The following KCNT1 variants were observed in gnomAD, a reference collection of about 807,000 sequenced individuals.
KCNT1 encodes potassium channel subfamily T member 1.
A neutral mutation model predicts 147.8 loss-of-function variants in KCNT1; 78 were observed. The observed-to-expected ratio is 0.53, with a 90% CI of 0.44 to 0.64. KCNT1 has a LOEUF of 0.64. Ranked by LOEUF, KCNT1 falls within the 30% of genes least tolerant of loss-of-function variation. The probability of loss-of-function intolerance (pLI) is 0.00; values close to 1 mark genes in which losing one functional copy is unlikely to be tolerated. For missense variants in KCNT1, 1,419 were observed against 1,750.3 expected (o/e 0.81, Z 3.38); for synonymous variants, 867 against 748.8 (o/e 1.16, Z -2.58).
chr9:135,751,548 G>A (rs61340584), intron 4 of KCNT1, among the ~76,000 whole-genome samples: 4,100 of 152,288 alleles, frequency 0.027, 174 homozygotes, highest in African/African-American at 0.093. Context: ...AATCTGCACC[G>A]TCAGGTCCTT....
chr9:135,725,826 G>A (rs1022911739), intron 2 of KCNT1, among the ~76,000 whole-genome samples: 5 of 152,218 alleles, frequency 3.3e-5, no homozygotes, highest in Non-Finnish European at 7.3e-5. Context: ...TTGCCTGGGC[G>A]TGTCCTAAGT....
intron 24 of KCNT1, among the ~76,000 whole-genome samples, chr9:135,780,459 G>A (rs930276523): frequency 1.3e-5 from 2 of 152,242 alleles, no homozygotes; most frequent in Non-Finnish European, 2.9e-5. Flanking sequence ...ACCTGAACCC[G>A]ATGGAGAGTG....
In KCNT1 at chr9:135,778,439, C is replaced by T. The variant is rs1251104570; in HGVS notation, c.2538C>T (p.Phe846=). Residue 846 remains phenylalanine, a synonymous_variant, in exon 22 of 31, where the codon TTC becomes TTT. Transcript: ENST00000371757. ...LLLDNKPDHH[F]LEAICCFPMV... ...GTCCCCACAGGCCCGACCACCACTT[C>T]CTGGAAGCCATCTGCTGCTTCCCCA... is the stretch of plus-strand genomic sequence containing the variant. The T allele has an allele frequency of 5.2e-6, 8 of 1,551,654 alleles. No homozygotes were observed. Among genetic ancestry groups the T allele is most frequent in the South Asian group, 2.4e-5 (2 of 84,156 alleles).
At chr9:135,773,697 G>C (rs1179568501) in intron 19 of KCNT1, among the ~76,000 whole-genome samples, 2 of 152,274 alleles carry the variant, frequency 1.3e-5, no homozygotes, top group African/African-American at 4.8e-5. Context: ...GCCTCACTCT[G>C]TCCTGGCCTT....
intron 18 of KCNT1, among the ~76,000 whole-genome samples, chr9:135,772,071 C>T (rs1832797732): frequency 6.6e-6 from 1 of 152,210 alleles, no homozygotes; most frequent in African/African-American, 2.4e-5. Context: ...TTCCCGGCCG[C>T]CGTCTACGGC....
intron 2 of KCNT1, among the ~76,000 whole-genome samples, chr9:135,719,680 T>G (rs1835849916): frequency 6.6e-6 from 1 of 152,174 alleles, no homozygotes; most frequent in South Asian, 2.1e-4. Flanking sequence ...CCCTGCCCAC[T>G]GGCTGGGGCT....
chr9:135,764,153 T>C (rs1832098222), intron 11 of KCNT1, among the ~76,000 whole-genome samples: 1 of 152,132 alleles, frequency 6.6e-6, no homozygotes, highest in African/African-American at 2.4e-5. Flanking sequence ...CCTGCCATTG[T>C]TCATTTAACA....
chr9:135,769,156 G>A (rs1378511803), intron 15 of KCNT1, among the ~76,000 whole-genome samples: 2 of 104,304 alleles, frequency 1.9e-5, no homozygotes, highest in Non-Finnish European at 4.3e-5. Context: ...TGCACACGTG[G>A]GTGACGGTGC....
chr9:135,742,740 G>A (rs560033568), intron 2 of KCNT1: 25 of 717,218 alleles, frequency 3.5e-5, no homozygotes, highest in African/African-American at 1.0e-4. Flanking sequence ...TCTGTCTCCC[G>A]CATTCTGGTT....
Position 135,791,808 on chromosome 9 carries a change from GACC to G in KCNT1, c.3519_3521del (p.His1173del), listed in dbSNP as rs1290067674. The G allele has an allele frequency of 6.2e-7, 1 of 1,613,704 alleles. No individual in the cohort carries two copies. The highest frequency in any genetic ancestry group is 8.5e-7 in the Non-Finnish European group (1 of 1,179,888). On this transcript the variant is annotated inframe_deletion, in exon 30 of 31. Coordinates refer to ENST00000371757, the MANE Select transcript of KCNT1 (RefSeq NM_020822.3). ...TGTGTCCTTTGCAGACGAGATGAAC[GACC>G]ACCAGAACACCCTCTCCTACGTCCT...
intron 2 of KCNT1, among the ~76,000 whole-genome samples, chr9:135,747,348 C>T (rs974969171): frequency 1.4e-5 from 2 of 139,590 alleles, no homozygotes; most frequent in Non-Finnish European, 3.1e-5. Context: ...GGTAGGGAGG[C>T]GGGGAGGGTG....
At chr9:135,751,536 G>A (rs1021232408) in intron 4 of KCNT1, among the ~76,000 whole-genome samples, 8 of 152,216 alleles carry the variant, frequency 5.3e-5, no homozygotes, top group Non-Finnish European at 1.2e-4. Flanking sequence ...GCTGGGGGCA[G>A]CAATCTGCAC....
At chr9:135,790,236 C>T (rs1168774277) in intron 29 of KCNT1, 1 of 152,222 alleles carries the variant, frequency 6.6e-6, no homozygotes, top group Non-Finnish European at 1.5e-5. Flanking sequence ...GAGCTGCCCT[C>T]ACCACCCACT....
intron 29 of KCNT1, chr9:135,788,204 CT>C: frequency 1.3e-6 from 2 of 1,527,034 alleles, no homozygotes; most frequent in Middle Eastern, 3.4e-4. Context: ...CACAACGGGG[CT>C]CGCCAACCCT....
At chr9:135,753,452 C>T (rs1831304378) in intron 4 of KCNT1, among the ~76,000 whole-genome samples, 1 of 152,180 alleles carries the variant, frequency 6.6e-6, no homozygotes, top group South Asian at 2.1e-4. Context: ...AGGGACGTGC[C>T]TCTTGGAGTC....
Position 135,784,902 on chromosome 9 carries a change from C to A in KCNT1, c.3156+13C>A. 2 of 1,610,932 alleles carry A rather than the reference C, an allele frequency of 1.2e-6. No homozygotes were observed. The highest frequency in any genetic ancestry group is 1.7e-6 in the Non-Finnish European group (2 of 1,179,616). On this transcript the variant is annotated intron_variant, in intron 27 of 30. Coordinates refer to ENST00000371757, the MANE Select transcript of KCNT1 (RefSeq NM_020822.3). ...CTCCACCTCGGAGGTTCTGGGGCAG[C>A]CTGGGGGCTGGGACTGTGGCAGCCC...
intron 20 of KCNT1, 114 bp from the exon 21 acceptor site, chr9:135,777,224 A>G: frequency 8.8e-7 from 1 of 1,140,178 alleles, no homozygotes; most frequent in South Asian, 1.5e-5. Flanking sequence ...GTGGGCCGAG[A>G]GGCTAACGGC....
In KCNT1 at chr9:135,765,768, C is replaced by G; in HGVS notation, c.1337+8C>G. ...GGACCTCATGCGAGCCAAGTGAGTG[C>G]TGGTGGGCGGAGGGGGTGGCATGGG... is the stretch of plus-strand genomic sequence containing the variant. On this transcript the variant is annotated splice_region_variant and intron_variant, in intron 13 of 30. Transcript: ENST00000371757. The G allele has an allele frequency of 3.5e-6, 5 of 1,428,484 alleles. No homozygotes were observed. The highest frequency in any genetic ancestry group is 4.8e-6 in the Non-Finnish European group (5 of 1,036,118). 88.5% of individuals were successfully genotyped at this position (1,428,484 alleles called of 1,614,324 possible). A position where few individuals can be genotyped will look rare whatever the true frequency, so the allele number is the denominator to read the frequency against.
At chr9:135,715,528 G>C (rs1264411060) in intron 2 of KCNT1, among the ~76,000 whole-genome samples, 1 of 152,202 alleles carries the variant, frequency 6.6e-6, no homozygotes, top group East Asian at 1.9e-4. Flanking sequence ...GGTACGGCAG[G>C]GTCGGGGTTG....
Sources: allele counts gnomAD v4.1 joint callset (sites outside exome capture counted in the v4.1 genomes callset), GRCh38; gene constraint gnomAD v4.1.1; transcripts MANE v1.5; gene names NCBI Gene and HGNC (gene_info 2026-07-23, HGNC 2026-07-21).